The following PBX4 variants were observed in gnomAD, a reference collection of about 807,000 sequenced individuals.
PBX4 encodes pre-B-cell leukemia transcription factor 4.
A neutral mutation model predicts 35.1 loss-of-function variants in PBX4; 26 were observed. The observed-to-expected ratio is 0.74, with a 90% CI of 0.54 to 1.03. The LOEUF is 1.03. Ranked by LOEUF, PBX4 falls within the 50% of genes least tolerant of loss-of-function variation. The probability of loss-of-function intolerance (pLI) is 0.00; values close to 1 mark genes in which losing one functional copy is unlikely to be tolerated. For synonymous variants in PBX4, 199 were observed against 204.2 expected, an observed-to-expected ratio of 0.97 and a Z score of 0.22; for missense variants, 448 against 504.3, an observed-to-expected ratio of 0.89 and a Z score of 1.07.
intron 2 of PBX4, among the ~76,000 whole-genome samples, chr19:19,573,368 CACAT>C (rs1454587635): frequency 4.9e-4 from 71 of 145,256 alleles, no homozygotes; most frequent in African/African-American, 1.4e-3. Flanking sequence ...CACACACACA[CACAT>C]ATAGGATAGT....
rs1479284662 is a variant in PBX4 at position 19,570,735 on chromosome 19, TCTC to T, written c.289_291del (p.Glu97del). On this transcript the variant is annotated inframe_deletion, in exon 3 of 8. Coordinates refer to ENST00000251203, the MANE Select transcript of PBX4 (RefSeq NM_025245.3). ...GCCACCGCTCCTCCTCTTCCTCTCT[TCTC>T]GGGCCTGCACACGCCCTCAGCCAGC... 1 of 1,613,932 alleles carries T rather than the reference TCTC, an allele frequency of 6.2e-7. No homozygotes were observed. Among genetic ancestry groups the T allele is most frequent in the Non-Finnish European group, 8.5e-7 (1 of 1,180,020 alleles).
Position 19,563,587 on chromosome 19 carries a change from G to A in PBX4, c.954C>T (p.Ser318=), listed in dbSNP as rs1360985986. 5.8e-6 allele frequency: 9 copies of A among 1,550,050 alleles called. No individual in the cohort carries two copies. The highest frequency in any genetic ancestry group is 2.7e-5 in the African/African-American group (2 of 73,130). Residue 318 remains serine, a synonymous_variant, in exon 7 of 8, where the codon AGC becomes AGT. Transcript: ENST00000251203. The surrounding 1 kb of genome is among the most constrained non-coding windows in gnomAD (Gnocchi z 5.1). ...GCAGGGTGAGGAAGGCGTCCCCAGCGCTGGGCAGCGGGAAGGGTCCAGAGG... is the reference window on the plus strand; with the variant it reads ...GCAGGGTGAGGAAGGCGTCCCCAGCACTGGGCAGCGGGAAGGGTCCAGAGG... The part of the protein sequence containing the change: ...SGSSGPFPLP[S]AGDAFLTLRT...
At chr19:19,591,992 CTAGGATTA>C (rs1221731468) in intron 2 of PBX4, among the ~76,000 whole-genome samples, 1 of 152,162 alleles carries the variant, frequency 6.6e-6, no homozygotes, top group Admixed American at 6.5e-5. Flanking sequence ...TCCCGTGTAG[CTAGGATTA>C]TAGGCACCCG....
chr19:19,590,539 G>A (rs143748444), intron 2 of PBX4, among the ~76,000 whole-genome samples: 2,275 of 149,604 alleles, frequency 0.015, 81 homozygotes, highest in South Asian at 0.077. Flanking sequence ...CGTGATCTCC[G>A]CTCACTGCAA....
At chr19:19,596,481 T>G (rs1478644057) in intron 2 of PBX4, among the ~76,000 whole-genome samples, 1 of 152,210 alleles carries the variant, frequency 6.6e-6, no homozygotes, top group African/African-American at 2.4e-5. Context: ...CGTGTGTGTG[T>G]GTACACACGC....
intron 2 of PBX4, among the ~76,000 whole-genome samples, chr19:19,571,480 G>A (rs1381216005): frequency 6.6e-6 from 1 of 152,234 alleles, no homozygotes; most frequent in Non-Finnish European, 1.5e-5. Context: ...GAGGGGACCT[G>A]GATAGGGGCA....
At position 19,592,308 on chromosome 19, in the gene PBX4, G is replaced by A. The variant is rs1487475324; in HGVS notation, c.193+6984C>T. Among the ~76,000 whole-genome samples, 3 of 152,176 alleles carry A rather than the reference G, an allele frequency of 2.0e-5. No homozygotes were observed. In the East Asian group the frequency reaches 5.8e-4, roughly 29 times the overall value. On this transcript the variant is annotated intron_variant, in intron 2 of 7. Transcript: ENST00000251203. ...AAATTCAAAGCTCTGCAACTAATCA[G>A]GGTTTATTTTGTTCTCAGAACAGCT...
At chr19:19,615,457 A>G (rs545066649) in intron 1 of PBX4, among the ~76,000 whole-genome samples, 47 of 152,344 alleles carry the variant, frequency 3.1e-4, no homozygotes, top group Admixed American at 2.3e-3. Context: ...CAAAGGAAAG[A>G]AAGTTTGAAG....
intron 2 of PBX4, among the ~76,000 whole-genome samples, chr19:19,598,886 G>A (rs1384420163): frequency 6.7e-6 from 1 of 149,804 alleles, no homozygotes; most frequent in Admixed American, 6.7e-5. Flanking sequence ...GTGTGCTGCC[G>A]CAGCTCTAGT....
Position 19,569,470 on chromosome 19 carries a change from C to T in PBX4, c.747G>A (p.Lys249=), listed in dbSNP as rs2061366332. 1.2e-6 allele frequency: 2 copies of T among 1,612,500 alleles called. No individual in the cohort carries two copies. The highest frequency in any genetic ancestry group is 1.7e-6 in the Non-Finnish European group (2 of 1,179,318). The change falls in exon 5 of 8, where the codon AAG becomes AAA. Residue 249 remains lysine, a synonymous_variant. Transcript: ENST00000251203. ...TCACCTGGGAGATGGTGAGGCCGCC[C>T]TTCCTGGCCAGCTCTTCTTTGGCTT... The part of the protein sequence containing the change: ...SEEAKEELAR[K]GGLTISQVSN...
chr19:19,604,821 C>T (rs969781951), intron 1 of PBX4, among the ~76,000 whole-genome samples: 1 of 151,818 alleles, frequency 6.6e-6, no homozygotes, highest in African/African-American at 2.4e-5. Context: ...AGGATGGTCT[C>T]GATCTCCTGA....
Position 19,570,777 on chromosome 19 carries a change from G to A in PBX4, c.250C>T (p.Leu84=). The change falls in exon 3 of 8, where the codon CTG becomes TTG. Residue 84 remains leucine, a synonymous_variant. Coordinates refer to ENST00000251203, the MANE Select transcript of PBX4 (RefSeq NM_025245.3). The part of the protein sequence containing the change: ...EDPPDAQLLR[L]DNMLLAEGVC... ...CCCTCAGCCAGCAGCATGTTATCCA[G>A]CCTCAGGAGCTGGGCGTCAGGGGGA... is the stretch of plus-strand genomic sequence containing the variant. 1 of 1,614,060 alleles carries A rather than the reference G, an allele frequency of 6.2e-7. No individual in the cohort carries two copies. The highest frequency in any genetic ancestry group is 1.1e-5 in the South Asian group (1 of 91,070).
At chr19:19,600,230 T>C (rs1360146805) in intron 1 of PBX4, among the ~76,000 whole-genome samples, 1 of 151,842 alleles carries the variant, frequency 6.6e-6, no homozygotes, top group Non-Finnish European at 1.5e-5. Flanking sequence ...TGCAAATAAC[T>C]CATCAAAAAC....
At chr19:19,609,167 G>A (rs1568399257) in intron 1 of PBX4, among the ~76,000 whole-genome samples, 1 of 152,136 alleles carries the variant, frequency 6.6e-6, no homozygotes, top group Non-Finnish European at 1.5e-5. Flanking sequence ...ACAGGTGGCA[G>A]GCAGTACAGC....
rs749382075 is a variant in PBX4, at chr19:19,570,703, G to A, written c.324C>T (p.Ala108=). 1.7e-5 allele frequency: 27 copies of A among 1,613,984 alleles called. No homozygotes were observed. The highest frequency in any genetic ancestry group is 6.6e-5 in the South Asian group (6 of 91,086). The change falls in exon 3 of 8, where the codon GCC becomes GCT. Residue 108 remains alanine (A), a synonymous_variant. Transcript: ENST00000251203. ...KRGRGGAVAR[A]GTATPGGCPN... is the part of the protein sequence containing the mutation. ...GACAGCCACCTGGTGTTGCTGTGCC[G>A]GCCCTGGCCACCGCTCCTCCTCTTC...
At position 19,572,854 on chromosome 19, in the gene PBX4, C is replaced by CAAAAAAA. The variant is rs36044843; in HGVS notation, c.194-2028_194-2022dup. Among the ~76,000 whole-genome samples, 3 of 70,082 alleles carry CAAAAAAA rather than the reference C, an allele frequency of 4.3e-5. 1 individual carries two copies. The highest frequency in any genetic ancestry group is 2.8e-5 in the Non-Finnish European group (1 of 35,216). 46.0% of individuals were successfully genotyped at this position (70,082 alleles called of 152,430 possible). A position where few individuals can be genotyped will look rare whatever the true frequency, so the allele number is the denominator to read the frequency against. ...GGGTGACAAGGGCGAGACTCCGTCT[C>CAAAAAAA]AAAAAAAAAAAAAAAAAAAAAGAGA... On this transcript the variant is annotated intron_variant, in intron 2 of 7. Transcript: ENST00000251203.
At chr19:19,571,282 C>A (rs917711954) in intron 2 of PBX4, among the ~76,000 whole-genome samples, 10 of 151,984 alleles carry the variant, frequency 6.6e-5, no homozygotes, top group Non-Finnish European at 1.3e-4. Flanking sequence ...GACTGTGCAG[C>A]TGTAGGCCTG....
intron 2 of PBX4, chr19:19,588,151 G>T: frequency 8.5e-7 from 1 of 1,170,894 alleles, no homozygotes; most frequent in East Asian, 2.4e-5. Flanking sequence ...TCCCCAAATA[G>T]ACAATCTTCA....
At chr19:19,611,834 CATT>C (rs1047778002) in intron 1 of PBX4, among the ~76,000 whole-genome samples, 33 of 151,934 alleles carry the variant, frequency 2.2e-4, no homozygotes, top group African/African-American at 7.5e-4. Flanking sequence ...GCTCCTAAAA[CATT>C]ATAACAGTGA....
Sources: allele counts gnomAD v4.1 joint callset (sites outside exome capture counted in the v4.1 genomes callset), GRCh38; gene constraint gnomAD v4.1.1; non-coding constraint Gnocchi (gnomAD v3.1); transcripts MANE v1.5; gene names NCBI Gene and HGNC (gene_info 2026-07-23, HGNC 2026-07-21).